The following SMYD3 variants were observed in gnomAD, a reference collection of about 807,000 sequenced individuals.
SMYD3 encodes histone-lysine N-methyltransferase SMYD3.
In SMYD3, 36 loss-of-function variants were observed where a neutral mutation model predicts 57.7. The ratio of observed to expected loss-of-function variants is 0.62; its 90% CI spans 0.48 to 0.82. SMYD3 has a LOEUF of 0.82. SMYD3 is among the 40% of genes least tolerant of loss of function. The pLI is 0.00. For synonymous variants in SMYD3, 211 were observed against 195.0 expected (o/e 1.08, Z -0.68); for missense variants, 515 against 538.8 (o/e 0.96, Z 0.44).
chr1:245,951,447 T>C (rs1390409076), intron 5 of SMYD3, among the ~76,000 whole-genome samples: 1 of 137,696 alleles, frequency 7.3e-6, no homozygotes, highest in Non-Finnish European at 1.5e-5. Context: ...TGCACGCCTG[T>C]AGTCCCAGCT....
intron 10 of SMYD3, among the ~76,000 whole-genome samples, chr1:245,821,781 A>C (rs2049174434): frequency 6.6e-6 from 1 of 152,096 alleles, no homozygotes; most frequent in South Asian, 2.1e-4. Context: ...ATGCAGCCAA[A>C]AGACACATGA....
At chr1:246,028,477 C>A (rs2059614453) in intron 5 of SMYD3, among the ~76,000 whole-genome samples, 1 of 152,124 alleles carries the variant, frequency 6.6e-6, no homozygotes, top group Non-Finnish European at 1.5e-5. Context: ...ATTCCACTTA[C>A]AACAGCTACA....
At chr1:245,798,216 G>A (rs1393789758) in intron 10 of SMYD3, among the ~76,000 whole-genome samples, 1 of 151,812 alleles carries the variant, frequency 6.6e-6, no homozygotes, top group Non-Finnish European at 1.5e-5. Context: ...AGCCTGGCCT[G>A]CGCCATCACC....
intron 5 of SMYD3, among the ~76,000 whole-genome samples, chr1:246,198,631 A>G (rs2062862113): frequency 6.6e-6 from 1 of 152,210 alleles, no homozygotes; most frequent in African/African-American, 2.4e-5. Context: ...GAGAGTCATT[A>G]AAGGCTTGTC....
intron 1 of SMYD3, among the ~76,000 whole-genome samples, chr1:246,470,644 T>C (rs2067948975): frequency 6.8e-6 from 1 of 146,346 alleles, no homozygotes; most frequent in Non-Finnish European, 1.5e-5. Flanking sequence ...ATATAGTGTA[T>C]GTATGTGTAT....
At position 246,123,524 on chromosome 1, in the gene SMYD3, G is replaced by A. The variant is rs190428704; in HGVS notation, c.532-193587C>T. On this transcript the variant is annotated intron_variant, in intron 5 of 11. Coordinates refer to ENST00000490107, the MANE Select transcript of SMYD3 (RefSeq NM_001167740.2). ...AGAGGTTGCAGTGAGCCAAGATCACGCCACTACAATCTCCAGCCTGGGAGA... is the reference window on the plus strand; with the variant it reads ...AGAGGTTGCAGTGAGCCAAGATCACACCACTACAATCTCCAGCCTGGGAGA... Among the ~76,000 whole-genome samples, 509 of 150,052 alleles carry A rather than the reference G, an allele frequency of 3.4e-3. 2 individuals carry two copies. The highest frequency in any genetic ancestry group is 0.012 in the African/African-American group (486 of 40,690).
intron 1 of SMYD3, among the ~76,000 whole-genome samples, chr1:246,492,485 C>T (rs868042043): frequency 2.0e-5 from 3 of 151,946 alleles, no homozygotes; most frequent in African/African-American, 4.8e-5. Context: ...AAAAGGTAAG[C>T]GAGAAACAAA....
Position 245,764,137 on chromosome 1 carries a change from T to A in SMYD3, c.1089A>T (p.Pro363=), listed in dbSNP as rs1214325463. 2.5e-6 allele frequency: 4 copies of A among 1,613,630 alleles called. No homozygotes were observed. In the East Asian group the frequency reaches 6.7e-5, roughly 27 times the overall value. Residue 363 remains proline (P), a synonymous_variant, in exon 11 of 12, where the codon CCA becomes CCT. Transcript: ENST00000490107. The part of the protein sequence containing the change: ...RTMEPYRIFF[P]GSHPVRGVQV... Reference sequence around the variant, plus strand: ...GAACCCCTCTGACGGGATGGCTTCCTGGGAAAAAAATCCTGGAAGAAACCA... The same window carrying A: ...GAACCCCTCTGACGGGATGGCTTCCAGGGAAAAAAATCCTGGAAGAAACCA...
chr1:246,373,922 G>T (rs2066230421), intron 1 of SMYD3, among the ~76,000 whole-genome samples: 1 of 152,132 alleles, frequency 6.6e-6, no homozygotes, highest in South Asian at 2.1e-4. Context: ...AAACAACCCT[G>T]CCATTCATTC....
chr1:245,936,272 T>C (rs1277874332), intron 5 of SMYD3, among the ~76,000 whole-genome samples: 1 of 152,188 alleles, frequency 6.6e-6, no homozygotes, highest in Non-Finnish European at 1.5e-5. Context: ...TATCATGACT[T>C]ACCAGGTTGA....
intron 5 of SMYD3, among the ~76,000 whole-genome samples, chr1:246,221,340 T>C (rs373298734): frequency 9.9e-5 from 15 of 152,264 alleles, no homozygotes; most frequent in African/African-American, 3.6e-4. Context: ...CCACATTGCA[T>C]ACCTCATTCT....
chr1:245,755,643 T>C (rs1015634687), intron 11 of SMYD3, among the ~76,000 whole-genome samples: 1 of 152,216 alleles, frequency 6.6e-6, no homozygotes, highest in Admixed American at 6.5e-5. Context: ...AATGTCCCTC[T>C]CTGTCTCTCA....
chr1:246,006,158 G>A (rs984738875), intron 5 of SMYD3, among the ~76,000 whole-genome samples: 2 of 152,172 alleles, frequency 1.3e-5, no homozygotes, highest in African/African-American at 4.8e-5. Context: ...ACTGCTAAAA[G>A]AAATCTAACC....
At chr1:245,775,372 A>T (rs977254153) in intron 10 of SMYD3, among the ~76,000 whole-genome samples, 2 of 152,092 alleles carry the variant, frequency 1.3e-5, no homozygotes, top group African/African-American at 4.8e-5. Context: ...TACTAAGAAA[A>T]ATTCTTCTGC....
intron 1 of SMYD3, among the ~76,000 whole-genome samples, chr1:246,441,332 T>C (rs2067459801): frequency 1.3e-5 from 2 of 152,188 alleles, no homozygotes; most frequent in South Asian, 4.1e-4. Context: ...GTAACTACGC[T>C]GCAAAATTTG....
intron 1 of SMYD3, among the ~76,000 whole-genome samples, chr1:246,366,917 C>A (rs1159746381): frequency 1.6e-5 from 2 of 123,418 alleles, no homozygotes; most frequent in African/African-American, 3.2e-5. Context: ...GGCGACAGAG[C>A]GAGACTCCAT....
chr1:246,399,627 G>A (rs1335487478), intron 1 of SMYD3, among the ~76,000 whole-genome samples: 2 of 152,124 alleles, frequency 1.3e-5, no homozygotes, highest in Non-Finnish European at 2.9e-5. Flanking sequence ...CTACAGGCGT[G>A]AGCTACCATG....
At chr1:245,854,593 TTCTCTC>T (rs67359983) in intron 10 of SMYD3, among the ~76,000 whole-genome samples, 3 of 150,922 alleles carry the variant, frequency 2.0e-5, no homozygotes, top group Non-Finnish European at 2.9e-5. Context: ...AGTTATCCTT[TTCTCTC>T]TCTCTCTCTC....
intron 5 of SMYD3, among the ~76,000 whole-genome samples, chr1:245,994,748 C>T (rs1023146472): frequency 1.3e-5 from 2 of 151,688 alleles, no homozygotes; most frequent in African/African-American, 4.8e-5. Flanking sequence ...GTGCGGATCA[C>T]AGTACTAGGT....
Sources: gnomAD v4.1 joint callset for allele counts (sites outside exome capture counted in the v4.1 genomes callset) on GRCh38, gnomAD v4.1.1 for gene constraint, MANE v1.5 for transcripts, NCBI Gene and HGNC (gene_info 2026-07-23, HGNC 2026-07-21) for gene names.